Variants in KLHL29 observed in about 807,000 individuals in gnomAD.
The protein encoded by KLHL29 is kelch-like protein 29.
In KLHL29, 21 loss-of-function variants were observed where a neutral mutation model predicts 80.4. The ratio of observed to expected loss-of-function variants is 0.26; its 90% CI spans 0.19 to 0.38. KLHL29 has a LOEUF of 0.38. KLHL29 is among the 10% of genes least tolerant of loss of function. KLHL29 has a pLI of 1.00. For synonymous variants in KLHL29, 511 were observed against 526.8 expected (o/e 0.97, Z 0.41); for missense variants, 867 against 1,223.9 (o/e 0.71, Z 4.35).
intron 12 of KLHL29, 137 bp from the exon 13 acceptor site, chr2:23,703,582 C>A: frequency 8.4e-7 from 1 of 1,188,726 alleles, no homozygotes; most frequent in Non-Finnish European, 1.1e-6. Flanking sequence ...CCCTAGGCCC[C>A]GGACCCATCC....
At chr2:23,612,904 T>A (rs888813552) in intron 3 of KLHL29, among the ~76,000 whole-genome samples, 3 of 152,122 alleles carry the variant, frequency 2.0e-5, no homozygotes, top group Admixed American at 6.5e-5. Context: ...ATATCAATTG[T>A]ATACAAAGAT....
chr2:23,560,380 C>T (rs1447988946), intron 2 of KLHL29, among the ~76,000 whole-genome samples: 3 of 144,628 alleles, frequency 2.1e-5, no homozygotes, highest in Non-Finnish European at 4.5e-5. Flanking sequence ...AAGTGATTCT[C>T]CTGCCTCAGC....
chr2:23,486,821 C>T (rs547853940), intron 2 of KLHL29, among the ~76,000 whole-genome samples: 5 of 152,242 alleles, frequency 3.3e-5, no homozygotes, highest in African/African-American at 1.2e-4. Flanking sequence ...TCCCTGAAGC[C>T]CTCCTTCACC....
At chr2:23,655,603 A>G (rs948955229) in intron 5 of KLHL29, among the ~76,000 whole-genome samples, 5 of 152,178 alleles carry the variant, frequency 3.3e-5, no homozygotes, top group African/African-American at 7.2e-5. Context: ...CCAGGAAGAA[A>G]GTGATACCGA....
intron 3 of KLHL29, among the ~76,000 whole-genome samples, chr2:23,618,933 C>T (rs117000704): frequency 0.022 from 3,304 of 152,310 alleles, 330 homozygotes; most frequent in Admixed American, 0.19. Flanking sequence ...CTGAGAACAT[C>T]AGAGGCCGTG....
chr2:23,623,829 T>C (rs1305460576), intron 3 of KLHL29, among the ~76,000 whole-genome samples: 1 of 152,184 alleles, frequency 6.6e-6, no homozygotes, highest in Non-Finnish European at 1.5e-5. Context: ...GTGTGAGTGG[T>C]TGGCATCTTG....
At chr2:23,404,605 G>A (rs932558310) in intron 1 of KLHL29, among the ~76,000 whole-genome samples, 1 of 152,180 alleles carries the variant, frequency 6.6e-6, no homozygotes, top group African/African-American at 2.4e-5. Flanking sequence ...AAAACGATTT[G>A]TTTTCTAAAG....
At chr2:23,465,205 G>C (rs1293399228) in intron 1 of KLHL29, among the ~76,000 whole-genome samples, 1 of 152,200 alleles carries the variant, frequency 6.6e-6, no homozygotes, top group African/African-American at 2.4e-5. Context: ...AGATCCCAGA[G>C]AACAAAGCCA....
At chr2:23,509,544 T>C (rs142667582) in intron 2 of KLHL29, among the ~76,000 whole-genome samples, 4 of 151,972 alleles carry the variant, frequency 2.6e-5, no homozygotes, top group Non-Finnish European at 4.4e-5. Context: ...AATATCTCTT[T>C]AGGAGGCCTT....
At chr2:23,622,459 G>T (rs976716254) in intron 3 of KLHL29, among the ~76,000 whole-genome samples, 1 of 152,148 alleles carries the variant, frequency 6.6e-6, no homozygotes, top group Non-Finnish European at 1.5e-5. Context: ...CTGGAGAGCC[G>T]AGCCTTTGTC....
At position 23,420,316 on chromosome 2, in the gene KLHL29, G is replaced by A. The variant is rs561462545; in HGVS notation, c.-154+34536G>A. Reference sequence around the variant, plus strand: ...TCCTTGCTGCGTCCACACCGATCCCGTCACTGCTTCCTCCTGCCTGAAATT... The same window carrying A: ...TCCTTGCTGCGTCCACACCGATCCCATCACTGCTTCCTCCTGCCTGAAATT... On this transcript the variant is annotated intron_variant, in intron 1 of 13. Coordinates refer to ENST00000486442, the MANE Select transcript of KLHL29 (RefSeq NM_052920.2). Among the ~76,000 whole-genome samples, 14 of 152,218 alleles carry A rather than the reference G, an allele frequency of 9.2e-5. No individual in the cohort carries two copies. In the South Asian group the frequency reaches 2.5e-3, roughly 27 times the overall value.
At chr2:23,673,080 C>T (rs867246571) in intron 5 of KLHL29, among the ~76,000 whole-genome samples, 6 of 152,294 alleles carry the variant, frequency 3.9e-5, no homozygotes, top group African/African-American at 1.4e-4. Flanking sequence ...GCTTGTTTCA[C>T]TGTCAGATAC....
intron 1 of KLHL29, among the ~76,000 whole-genome samples, chr2:23,468,924 T>C (rs1664422703): frequency 6.6e-6 from 1 of 152,216 alleles, no homozygotes; most frequent in South Asian, 2.1e-4. Context: ...TGCGAGTTTC[T>C]GTCTGGTGGA....
intron 2 of KLHL29, among the ~76,000 whole-genome samples, chr2:23,536,921 C>CTCTCTG (rs1459478568): frequency 6.6e-6 from 1 of 150,800 alleles, no homozygotes; most frequent in Admixed American, 6.6e-5. Flanking sequence ...CACACACACT[C>CTCTCTG]TCTCTCTCCC....
intron 1 of KLHL29, among the ~76,000 whole-genome samples, chr2:23,472,921 T>G (rs1387146936): frequency 6.6e-6 from 1 of 152,198 alleles, no homozygotes; most frequent in East Asian, 1.9e-4. Context: ...CATATTCAAA[T>G]GTGTAATTTG....
rs552430344 is a variant in KLHL29, at chr2:23,566,993, G to A, written c.285+4512G>A. On this transcript the variant is annotated intron_variant, in intron 3 of 13. Transcript: ENST00000486442. ...CCATCCCCTGTCTGATGTGGCATGA[G>A]GTCATGCTAAGGAACTGGGATGGCA... Among the ~76,000 whole-genome samples the A allele has an allele frequency of 2.0e-5, 3 of 152,272 alleles. No homozygotes were observed. In the East Asian group the frequency reaches 5.8e-4, roughly 29 times the overall value.
intron 2 of KLHL29, among the ~76,000 whole-genome samples, chr2:23,480,528 T>TC (rs1664772247): frequency 6.6e-6 from 1 of 151,986 alleles, no homozygotes; most frequent in South Asian, 2.1e-4. Context: ...CCTAGGTCCT[T>TC]CCCCCAGATA....
At chr2:23,673,950 C>G (rs143664665) in intron 5 of KLHL29, among the ~76,000 whole-genome samples, 1 of 152,332 alleles carries the variant, frequency 6.6e-6, no homozygotes, top group African/African-American at 2.4e-5. Context: ...GCCAGCCACA[C>G]CAGTGACCTT....
intron 3 of KLHL29, among the ~76,000 whole-genome samples, chr2:23,580,711 G>C (rs1434326029): frequency 1.3e-5 from 1 of 77,528 alleles, no homozygotes; most frequent in African/African-American, 3.4e-5. Context: ...AGGCGCGGTG[G>C]CTCACACCTG....
Sources: allele counts gnomAD v4.1 joint callset (sites outside exome capture counted in the v4.1 genomes callset), GRCh38; gene constraint gnomAD v4.1.1; transcripts MANE v1.5; gene names NCBI Gene and HGNC (gene_info 2026-07-23, HGNC 2026-07-21).